The following DAAM2 variants were observed in gnomAD, a reference collection of about 807,000 sequenced individuals.
DAAM2 encodes dishevelled associated activator of morphogenesis 2.
Under a neutral mutation model 120.7 loss-of-function variants are expected in DAAM2, and 39 were observed. That is an observed-to-expected ratio of 0.32 (90% CI 0.25 to 0.42). The LOEUF (loss-of-function observed/expected upper bound fraction) is 0.42. Among genes scored for constraint, DAAM2 ranks in the 10% least tolerant of loss-of-function variants. The pLI is 1.00. For missense variants in DAAM2, 1,283 were observed against 1,401.7 expected, an observed-to-expected ratio of 0.92 and a Z score of 1.35; for synonymous variants, 488 against 524.9, an observed-to-expected ratio of 0.93 and a Z score of 0.96.
At chr6:39,802,127 G>A (rs1220997894) in intron 1 of DAAM2, among the ~76,000 whole-genome samples, 1 of 152,188 alleles carries the variant, frequency 6.6e-6, no homozygotes, top group Non-Finnish European at 1.5e-5. Context: ...GGAACTGCTC[G>A]GCCCTTCCAA....
chr6:39,835,948 G>C (rs920696436), intron 1 of DAAM2, among the ~76,000 whole-genome samples: 6 of 151,970 alleles, frequency 3.9e-5, no homozygotes, highest in African/African-American at 1.4e-4. Flanking sequence ...ACATTACTAA[G>C]ATTCCTTGAA....
At chr6:39,797,394 T>C (rs764163566) in intron 1 of DAAM2, among the ~76,000 whole-genome samples, 2 of 151,364 alleles carry the variant, frequency 1.3e-5, no homozygotes, top group Non-Finnish European at 2.9e-5. Flanking sequence ...TTGACAATCA[T>C]ATGAGATTGA....
At chr6:39,849,856 T>C (rs1476232087) in intron 1 of DAAM2, among the ~76,000 whole-genome samples, 1 of 152,142 alleles carries the variant, frequency 6.6e-6, no homozygotes, top group Non-Finnish European at 1.5e-5. Context: ...GCATAGATTC[T>C]TCCTTTGGGA....
intron 20 of DAAM2, 74 bp downstream of exon 20, chr6:39,897,054 A>G (rs1031421770): frequency 3.2e-6 from 5 of 1,543,754 alleles, no homozygotes; most frequent in East Asian, 2.2e-5. Context: ...TCCTCCCTCT[A>G]TTAGGACGGG....
chr6:39,887,234 A>C, intron 15 of DAAM2: 1 of 404,216 alleles, frequency 2.5e-6, no homozygotes, highest in Non-Finnish European at 4.5e-6. Context: ...AAAATCTCTA[A>C]AAAAATAAAA....
intron 1 of DAAM2, among the ~76,000 whole-genome samples, chr6:39,836,542 G>T (rs939082449): frequency 2.0e-5 from 3 of 152,174 alleles, no homozygotes; most frequent in Non-Finnish European, 4.4e-5. Flanking sequence ...TGGTGGCAAA[G>T]CTGTACCTAG....
intron 1 of DAAM2, among the ~76,000 whole-genome samples, chr6:39,795,989 T>G (rs932842558): frequency 6.6e-6 from 1 of 151,930 alleles, no homozygotes; most frequent in Admixed American, 6.6e-5. Context: ...CAAGCCTGAG[T>G]CAGAGAGCGG....
chr6:39,818,907 G>A (rs1464923654), intron 1 of DAAM2: 1 of 152,182 alleles, frequency 6.6e-6, no homozygotes, highest in Admixed American at 6.5e-5. Context: ...CTAGAGTGGG[G>A]TTGAGCAATG....
chr6:39,837,663 CAAA>C (rs758751293), intron 1 of DAAM2, among the ~76,000 whole-genome samples: 2 of 41,194 alleles, frequency 4.9e-5, no homozygotes, highest in African/African-American at 1.1e-4. Context: ...AACTCCATCT[CAAA>C]AAAAAAAAAA....
Position 39,875,004 on chromosome 6 carries a change from T to C in DAAM2, c.1163-326T>C, listed in dbSNP as rs139377537. Among the ~76,000 whole-genome samples the C allele has an allele frequency of 3.3e-5, 5 of 152,260 alleles. No homozygotes were observed. In the East Asian group the frequency reaches 9.7e-4, roughly 29 times the overall value. On this transcript the variant is annotated intron_variant, in intron 10 of 24. Transcript: ENST00000274867. ...GAGCAGGTGGTTTTTATAGATAATG[T>C]AAAAAGCAATCTGCACTTCCTGGGC...
Position 39,901,305 on chromosome 6 carries a change from G to C in DAAM2, c.2815G>C (p.Ala939Pro), listed in dbSNP as rs778845214. Reference sequence around the variant, plus strand: ...ATCCTGTTCTGTCCCTTGACAGTTCGCCAAGGCCTTGATGCACTTCGGGGA... The same window carrying C: ...ATCCTGTTCTGTCCCTTGACAGTTCCCCAAGGCCTTGATGCACTTCGGGGA... ...DQLNEARDKFAKALMHFGEHD... is the reference protein window; with the variant it reads ...DQLNEARDKFPKALMHFGEHD... The change falls in exon 24 of 25, where the codon GCC (alanine) becomes CCC (proline). Residue 939 changes from alanine (A) to proline (P), a missense_variant. Physicochemically the swap from Ala to Pro is conservative, Grantham distance 27. Around this residue, in one of 3 missense-constraint regions of DAAM2, gnomAD observed 748 missense variants for 768.6 expected, o/e 0.97. Coordinates refer to ENST00000274867, the MANE Select transcript of DAAM2 (RefSeq NM_001201427.2). The surrounding 1 kb of genome is among the most constrained non-coding windows in gnomAD (Gnocchi z 4.5). The C allele has an allele frequency of 6.2e-7, 1 of 1,613,118 alleles. No individual in the cohort carries two copies. Among genetic ancestry groups the C allele is most frequent in the Non-Finnish European group, 8.5e-7 (1 of 1,179,430 alleles).
intron 7 of DAAM2, 139 bp downstream of exon 7, chr6:39,869,072 C>T: frequency 1.5e-6 from 1 of 669,732 alleles, no homozygotes; most frequent in Non-Finnish European, 2.7e-6. Flanking sequence ...ACATAGGTAG[C>T]ATCATGCACG....
intron 1 of DAAM2, among the ~76,000 whole-genome samples, chr6:39,840,019 G>C (rs775035476): frequency 6.6e-6 from 1 of 152,170 alleles, no homozygotes; most frequent in African/African-American, 2.4e-5. Flanking sequence ...TGGAGGCCAG[G>C]AGTTTGATAC....
intron 9 of DAAM2, among the ~76,000 whole-genome samples, chr6:39,872,176 G>A (rs1160639574): frequency 6.6e-6 from 1 of 152,112 alleles, no homozygotes; most frequent in Non-Finnish European, 1.5e-5. Flanking sequence ...AGCTGGTGTG[G>A]GATCTTCCTT....
At chr6:39,844,864 C>A (rs1321949396) in intron 1 of DAAM2, among the ~76,000 whole-genome samples, 1 of 150,500 alleles carries the variant, frequency 6.6e-6, no homozygotes, top group Non-Finnish European at 1.5e-5. Flanking sequence ...TGGAGATGGA[C>A]ACATATATGC....
intron 1 of DAAM2, among the ~76,000 whole-genome samples, chr6:39,829,220 G>A (rs536918329): frequency 4.6e-5 from 7 of 152,356 alleles, no homozygotes; most frequent in African/African-American, 1.7e-4. Flanking sequence ...AGCGGGCTGT[G>A]TGTTCCACAC....
At chr6:39,800,511 C>G (rs929932364) in intron 1 of DAAM2, among the ~76,000 whole-genome samples, 1 of 152,214 alleles carries the variant, frequency 6.6e-6, no homozygotes, top group Non-Finnish European at 1.5e-5. Flanking sequence ...GGGCCCTGCA[C>G]TCAACTTGCC....
intron 1 of DAAM2, among the ~76,000 whole-genome samples, chr6:39,839,109 GT>G (rs1763224086): frequency 1.3e-5 from 2 of 150,896 alleles, no homozygotes; most frequent in East Asian, 3.9e-4. Flanking sequence ...TTGTTTTTTT[GT>G]TTTTATTTTT....
rs746993253 is a variant in DAAM2 at position 39,901,939 on chromosome 6, G to T, written c.3109G>T (p.Asp1037Tyr). The T allele has an allele frequency of 6.2e-7, 1 of 1,611,982 alleles. No homozygotes were observed. The change falls in exon 25 of 25, where the codon GAC (aspartate) becomes TAC (tyrosine). Residue 1037 changes from aspartate to tyrosine, a missense_variant. Physicochemically the swap from Asp to Tyr is radical, Grantham distance 160. This residue lies in a region of DAAM2 where 748 missense variants were observed against 768.6 expected (regional missense o/e 0.97). Transcript: ENST00000274867. The surrounding 1 kb of genome is among the most constrained non-coding windows in gnomAD (Gnocchi z 4.5). ...VSALRSGEVF[D>Y]KDLCKLKRSR... The stretch of plus-strand genomic sequence containing the variant: ...GGCCCTGCGCTCTGGGGAGGTCTTC[G>T]ACAAGGACTTATGCAAGCTCAAGCG...
Sources: gnomAD v4.1 joint callset for allele counts (sites outside exome capture counted in the v4.1 genomes callset) on GRCh38, gnomAD v4.1.1 for gene constraint, gnomAD v4.1.1 regional missense constraint, Gnocchi (gnomAD v3.1) non-coding constraint, MANE v1.5 for transcripts, NCBI Gene and HGNC (gene_info 2026-07-23, HGNC 2026-07-21) for gene names.